The following FMN2 variants were observed in gnomAD, a reference collection of about 807,000 sequenced individuals.
FMN2 encodes formin 2.
In FMN2, 51 loss-of-function variants were observed where a neutral mutation model predicts 142.3. That is an observed-to-expected ratio of 0.36 (90% CI 0.29 to 0.45). FMN2 has a LOEUF of 0.45. FMN2 is among the 20% of genes least tolerant of loss of function. FMN2 has a pLI of 1.00. For missense variants in FMN2, 1,936 were observed against 2,122.8 expected, an observed-to-expected ratio of 0.91 and a Z score of 1.73; for synonymous variants, 882 against 869.8, an observed-to-expected ratio of 1.01 and a Z score of -0.25.
At chr1:240,437,638 A>G (rs1675443801) in intron 15 of FMN2, among the ~76,000 whole-genome samples, 1 of 152,260 alleles carries the variant, frequency 6.6e-6, no homozygotes, top group South Asian at 2.1e-4. Context: ...CAATGTAGGA[A>G]GGCAAATAGT....
chr1:240,121,735 TAAAAAAAAAA>T (rs71168898), intron 1 of FMN2, among the ~76,000 whole-genome samples: 12 of 25,672 alleles, frequency 4.7e-4, no homozygotes, highest in Admixed American at 2.7e-3. Flanking sequence ...AGGGAAATAG[TAAAAAAAAAA>T]AAAAAAAAAA....
rs768814724 is a variant in FMN2, at chr1:240,092,323, G to A, written c.214G>A (p.Ala72Thr). The change falls in exon 1 of 18, where the codon GCC (alanine) becomes ACC (threonine). Residue 72 changes from alanine to threonine, a missense_variant. Transcript: ENST00000319653. ...GAAGAAGAGCAAGTCCGACTCCAGA[G>A]CCTCGGTGTTTTCCAACCTGCGGAT... ...GKKKSKSDSR[A>T]SVFSNLRIRK... is the part of the protein sequence containing the mutation. 1 of 1,607,080 alleles carries A rather than the reference G, an allele frequency of 6.2e-7. No individual in the cohort carries two copies. The highest frequency in any genetic ancestry group is 1.3e-5 in the African/African-American group (1 of 74,910).
chr1:240,427,544 G>T (rs561512687), intron 15 of FMN2, among the ~76,000 whole-genome samples: 1 of 152,158 alleles, frequency 6.6e-6, no homozygotes, highest in African/African-American at 2.4e-5. Flanking sequence ...TTTTGAGCAG[G>T]ATATAGAGAA....
chr1:240,456,034 G>A (rs1040526575), intron 16 of FMN2, among the ~76,000 whole-genome samples: 2 of 151,734 alleles, frequency 1.3e-5, no homozygotes, highest in African/African-American at 4.8e-5. Flanking sequence ...AAAGGTAAGA[G>A]CGACATGTTC....
At chr1:240,157,693 CATT>C (rs1480208240) in intron 2 of FMN2, among the ~76,000 whole-genome samples, 2 of 152,024 alleles carry the variant, frequency 1.3e-5, no homozygotes, top group Non-Finnish European at 2.9e-5. Flanking sequence ...ATATTTCAGG[CATT>C]ATGATTTGCA....
chr1:240,171,160 T>C (rs1664687695), intron 2 of FMN2: 3 of 962,634 alleles, frequency 3.1e-6, no homozygotes, highest in Non-Finnish European at 5.1e-6. Context: ...TGTCCCAAAG[T>C]TGGTATCTGA....
chr1:240,243,648 G>A (rs571532816), intron 6 of FMN2, among the ~76,000 whole-genome samples: 7 of 152,202 alleles, frequency 4.6e-5, no homozygotes, highest in Non-Finnish European at 1.5e-5. Flanking sequence ...ATACTTTACC[G>A]AATTTGTTTA....
chr1:240,212,580 T>G (rs546658333), intron 6 of FMN2, among the ~76,000 whole-genome samples: 10 of 152,298 alleles, frequency 6.6e-5, no homozygotes, highest in African/African-American at 2.4e-4. Flanking sequence ...CAGTAGTGAT[T>G]AAAAACCAGA....
At position 240,208,167 on chromosome 1, in the gene FMN2, C is replaced by A; in HGVS notation, c.3355C>A (p.Pro1119Thr). 2.0e-6 allele frequency: 2 copies of A among 1,024,114 alleles called. No homozygotes were observed. Among genetic ancestry groups the A allele is most frequent in the Non-Finnish European group, 2.9e-6 (2 of 701,490 alleles). 63.4% of individuals were successfully genotyped at this position (1,024,114 alleles called of 1,614,324 possible). A position where few individuals can be genotyped will look rare whatever the true frequency, so the allele number is the denominator to read the frequency against. ...PPPPLPGAGI[P>T]PPPPLPGAGI... ...GCCCCCTCTACCCGGAGCGGGCATA[C>A]CCCCTCCTCCCCCTCTACCCGGAGC... The change falls in exon 5 of 18, where the codon CCC (proline) becomes ACC (threonine). Residue 1119 changes from proline to threonine, a missense_variant. This residue lies in a region of FMN2 where 56 missense variants were observed against 111.8 expected (regional missense o/e 0.50). Transcript: ENST00000319653.
chr1:240,365,240 CATAT>C (rs766484518), intron 14 of FMN2, among the ~76,000 whole-genome samples: 10 of 107,720 alleles, frequency 9.3e-5, no homozygotes, highest in Non-Finnish European at 3.6e-5. Context: ...TATATATACA[CATAT>C]ACATACATAC....
chr1:240,291,788 A>G (rs1329300664), intron 7 of FMN2, among the ~76,000 whole-genome samples: 2 of 152,182 alleles, frequency 1.3e-5, no homozygotes, highest in Non-Finnish European at 2.9e-5. Flanking sequence ...ACAAATTGAA[A>G]AAAAGTCAAC....
intron 15 of FMN2, among the ~76,000 whole-genome samples, chr1:240,417,390 G>A (rs2103135290): frequency 6.6e-6 from 1 of 151,904 alleles, no homozygotes; most frequent in South Asian, 2.1e-4. Flanking sequence ...CACTATCAAT[G>A]TGAAGCTACT....
chr1:240,290,780 G>GTTTTTTGTTT (rs1333094360), intron 7 of FMN2, among the ~76,000 whole-genome samples: 166 of 100,072 alleles, frequency 1.7e-3, no homozygotes, highest in Non-Finnish European at 2.5e-3. Flanking sequence ...TGTTTGTTTG[G>GTTTTTTGTTT]TTTTTTTTTT....
intron 1 of FMN2, among the ~76,000 whole-genome samples, chr1:240,094,298 A>T (rs1292356954): frequency 1.3e-5 from 2 of 152,180 alleles, no homozygotes; most frequent in Non-Finnish European, 2.9e-5. Flanking sequence ...TTAAGCGGTC[A>T]CTCACTGCTG....
Position 240,092,431 on chromosome 1 carries a change from C to T in FMN2, c.322C>T (p.Leu108=). The T allele has an allele frequency of 6.2e-7, 1 of 1,611,316 alleles. No individual in the cohort carries two copies. Among genetic ancestry groups the T allele is most frequent in the Non-Finnish European group, 8.5e-7 (1 of 1,179,032 alleles). The change falls in exon 1 of 18, where the codon CTG becomes TTG. Residue 108 remains leucine (L), a synonymous_variant. Coordinates refer to ENST00000319653, the MANE Select transcript of FMN2 (RefSeq NM_020066.5). ...LDSQALQTGE[L]DSAHSLLTKT... is the part of the protein sequence containing the mutation. Reference sequence around the variant, plus strand: ...TTCCCAGGCCCTGCAGACCGGGGAGCTGGACAGCGCTCACTCCCTGCTCAC... The same window carrying T: ...TTCCCAGGCCCTGCAGACCGGGGAGTTGGACAGCGCTCACTCCCTGCTCAC...
intron 7 of FMN2, among the ~76,000 whole-genome samples, chr1:240,291,907 T>C (rs1029253690): frequency 1.3e-5 from 2 of 152,176 alleles, no homozygotes; most frequent in Middle Eastern, 3.2e-3. Context: ...ACCAACTACA[T>C]GTCAGACCCT....
intron 1 of FMN2, among the ~76,000 whole-genome samples, chr1:240,099,360 T>C (rs1204267079): frequency 1.3e-5 from 2 of 152,066 alleles, no homozygotes. Flanking sequence ...CTTTTTTTTT[T>C]CTGGAATTGT....
chr1:240,454,485 T>C (rs1255714800), intron 16 of FMN2, among the ~76,000 whole-genome samples: 1 of 152,182 alleles, frequency 6.6e-6, no homozygotes, highest in East Asian at 1.9e-4. Flanking sequence ...GAGGTTGCAA[T>C]GAGCTGAGAT....
At chr1:240,261,914 A>C (rs1668647495) in intron 7 of FMN2, among the ~76,000 whole-genome samples, 1 of 152,120 alleles carries the variant, frequency 6.6e-6, no homozygotes. Context: ...CTGAGATGAA[A>C]GTGCCTTCCA....
Sources: allele counts gnomAD v4.1 joint callset (sites outside exome capture counted in the v4.1 genomes callset), GRCh38; gene constraint gnomAD v4.1.1; regional missense constraint gnomAD v4.1.1; transcripts MANE v1.5; gene names NCBI Gene and HGNC (gene_info 2026-07-23, HGNC 2026-07-21).